SMOC2: variants seen among roughly 807,000 people sequenced by gnomAD.
The protein encoded by SMOC2 is SPARC-related modular calcium-binding protein 2.
Under a neutral mutation model 61.4 loss-of-function variants are expected in SMOC2, and 39 were observed. The ratio of observed to expected loss-of-function variants is 0.64; its 90% CI spans 0.49 to 0.83. SMOC2 has a LOEUF of 0.83. Ranked by LOEUF, SMOC2 falls within the 40% of genes least tolerant of loss-of-function variation. SMOC2 has a pLI of 0.00. For missense variants in SMOC2, 556 were observed against 592.9 expected, an observed-to-expected ratio of 0.94 and a Z score of 0.65; for synonymous variants, 247 against 239.9, an observed-to-expected ratio of 1.03 and a Z score of -0.27.
At position 168,560,519 on chromosome 6, in the gene SMOC2, C is replaced by CATTCTT. The variant is rs1562348228; in HGVS notation, c.637+11316_637+11317insATTCTT. ...GCCCTGAGATGTGAGGCTCTCACTG[C>CATTCTT]GTTCTTGGAGGAGGTGTCATTTTCC... On this transcript the variant is annotated intron_variant, in intron 7 of 12. Coordinates refer to ENST00000356284, the MANE Select transcript of SMOC2 (RefSeq NM_001166412.2). 4.7e-4 allele frequency among the ~76,000 whole-genome samples: 59 copies of CATTCTT among 125,142 alleles called. 4 individuals carry two copies. Among genetic ancestry groups the CATTCTT allele is most frequent in the East Asian group, 8.4e-4 (4 of 4,738 alleles). The allele number at this position is 125,142 out of a possible 152,430, so 82.1% of individuals were successfully genotyped here. A position where few individuals can be genotyped will look rare whatever the true frequency, so the allele number is the denominator to read the frequency against.
chr6:168,560,292 G>C (rs964526664), intron 7 of SMOC2, among the ~76,000 whole-genome samples: 2 of 152,152 alleles, frequency 1.3e-5, no homozygotes, highest in African/African-American at 2.4e-5. Flanking sequence ...TTGTGTTTCA[G>C]ATGAAAGGGC....
chr6:168,652,914 A>G, intron 10 of SMOC2, 40 bp from the exon 11 acceptor site: 3 of 1,597,360 alleles, frequency 1.9e-6, no homozygotes, highest in East Asian at 2.2e-5. Context: ...GGAGCAGCCC[A>G]GGGGTTTAAG....
At chr6:168,550,914 GATTA>G (rs1164814068) in intron 7 of SMOC2, among the ~76,000 whole-genome samples, 4 of 152,164 alleles carry the variant, frequency 2.6e-5, no homozygotes, top group African/African-American at 9.7e-5. Context: ...GTATATGAGA[GATTA>G]ATTAAAACAC....
chr6:168,607,851 G>A (rs533933099), intron 8 of SMOC2, among the ~76,000 whole-genome samples: 4 of 152,232 alleles, frequency 2.6e-5, no homozygotes, highest in Non-Finnish European at 5.9e-5. Flanking sequence ...AACGGGAGGA[G>A]GGGGAGGTGT....
At chr6:168,576,047 C>T (rs138880927) in intron 7 of SMOC2, among the ~76,000 whole-genome samples, 1 of 152,192 alleles carries the variant, frequency 6.6e-6, no homozygotes, top group East Asian at 1.9e-4. Context: ...GGTCTGAAAC[C>T]TGGTTGTCCC....
intron 7 of SMOC2, among the ~76,000 whole-genome samples, chr6:168,563,397 A>G (rs746464766): frequency 1.3e-5 from 2 of 152,154 alleles, no homozygotes; most frequent in Non-Finnish European, 2.9e-5. Context: ...AAGTTTATAT[A>G]TATTTGTGTG....
intron 7 of SMOC2, among the ~76,000 whole-genome samples, chr6:168,554,801 G>A (rs1398055929): frequency 1.3e-5 from 2 of 152,336 alleles, no homozygotes; most frequent in South Asian, 2.1e-4. Flanking sequence ...CACGTGGGGA[G>A]ATGGTCAGGT....
At chr6:168,474,590 C>T (rs548145895) in intron 1 of SMOC2, among the ~76,000 whole-genome samples, 1 of 152,150 alleles carries the variant, frequency 6.6e-6, no homozygotes, top group African/African-American at 2.4e-5. Flanking sequence ...TGATAATTTA[C>T]AAACGTGTCT....
Position 168,666,459 on chromosome 6 carries a change from A to G in SMOC2, c.*21A>G, listed in dbSNP as rs1409188060. 3 of 1,613,726 alleles carry G rather than the reference A, an allele frequency of 1.9e-6. No individual in the cohort carries two copies. The African/African-American group carries it at 4.0e-5, about 22-fold the overall frequency. ...GATAAATGGCTCATACCCCGAAGGC[A>G]GTTCCTAGACACATGGGAAATTTCC... On this transcript the variant is annotated 3_prime_UTR_variant, in exon 13 of 13. Coordinates refer to ENST00000356284, the MANE Select transcript of SMOC2 (RefSeq NM_001166412.2).
At chr6:168,608,769 G>A (rs969061531) in intron 9 of SMOC2, among the ~76,000 whole-genome samples, 8 of 152,166 alleles carry the variant, frequency 5.3e-5, no homozygotes, top group Non-Finnish European at 1.0e-4. Flanking sequence ...ACAAAAAGAC[G>A]TCATGGGGTG....
At chr6:168,555,803 C>T (rs1435367193) in intron 7 of SMOC2, among the ~76,000 whole-genome samples, 3 of 152,172 alleles carry the variant, frequency 2.0e-5, no homozygotes, top group African/African-American at 4.8e-5. Context: ...GAGCTTGATC[C>T]TCTACGCCCT....
In SMOC2 at chr6:168,452,754, G is replaced by T. The variant is rs371187011; in HGVS notation, c.84+11300G>T. On this transcript the variant is annotated intron_variant, in intron 1 of 12. Coordinates refer to ENST00000356284, the MANE Select transcript of SMOC2 (RefSeq NM_001166412.2). The surrounding 1 kb of genome is among the most constrained non-coding windows in gnomAD (Gnocchi z 5.0). Reference sequence around the variant, plus strand: ...CTCATTTCTACTACCTTTTAATTTCGTTTTGTTTTGTTAAATTCCAAACAT... The same window carrying T: ...CTCATTTCTACTACCTTTTAATTTCTTTTTGTTTTGTTAAATTCCAAACAT... Among the ~76,000 whole-genome samples, 3 of 152,012 alleles carry T rather than the reference G, an allele frequency of 2.0e-5. No individual in the cohort carries two copies. Among genetic ancestry groups the T allele is most frequent in the Non-Finnish European group, 2.9e-5 (2 of 68,004 alleles).
intron 12 of SMOC2, 28 bp from the exon 13 acceptor site, chr6:168,666,393 T>C (rs1433835439): frequency 6.2e-7 from 1 of 1,613,752 alleles, no homozygotes; most frequent in South Asian, 1.1e-5. Context: ...CTGAATATAA[T>C]GTCTCTTTTT....
At chr6:168,633,653 A>G (rs1786630909) in intron 9 of SMOC2, among the ~76,000 whole-genome samples, 1 of 152,226 alleles carries the variant, frequency 6.6e-6, no homozygotes, top group Non-Finnish European at 1.5e-5. Flanking sequence ...CTTGCAGGAG[A>G]CACAGAAGGG....
At chr6:168,531,720 A>C (rs777981195) in intron 4 of SMOC2, among the ~76,000 whole-genome samples, 13 of 152,222 alleles carry the variant, frequency 8.5e-5, no homozygotes, top group Non-Finnish European at 1.2e-4. Flanking sequence ...ATAGCAGCCT[A>C]AATTGTAGGG....
intron 7 of SMOC2, among the ~76,000 whole-genome samples, chr6:168,591,239 G>C (rs1217203755): frequency 6.6e-6 from 1 of 152,196 alleles, no homozygotes; most frequent in Non-Finnish European, 1.5e-5. Context: ...GTTCAGGAAG[G>C]GGCACAGGCC....
intron 7 of SMOC2, among the ~76,000 whole-genome samples, chr6:168,581,888 G>T (rs942530231): frequency 6.6e-6 from 1 of 152,084 alleles, no homozygotes; most frequent in Non-Finnish European, 1.5e-5. Flanking sequence ...TGACTTCAGC[G>T]TCTCCTTCAG....
chr6:168,583,639 G>T (rs1454855414), intron 7 of SMOC2, among the ~76,000 whole-genome samples: 2 of 152,146 alleles, frequency 1.3e-5, no homozygotes, highest in African/African-American at 2.4e-5. Context: ...CGAAAGCCGG[G>T]CCTCACACAC....
intron 4 of SMOC2, among the ~76,000 whole-genome samples, chr6:168,541,068 A>T (rs1783867741): frequency 6.6e-6 from 1 of 152,242 alleles, no homozygotes; most frequent in South Asian, 2.1e-4. Flanking sequence ...GCTCAGAGCT[A>T]CAAGACTTAA....
Sources: allele counts gnomAD v4.1 joint callset (sites outside exome capture counted in the v4.1 genomes callset), GRCh38; gene constraint gnomAD v4.1.1; non-coding constraint Gnocchi (gnomAD v3.1); transcripts MANE v1.5; gene names NCBI Gene and HGNC (gene_info 2026-07-23, HGNC 2026-07-21).